Variants in PINX1 observed in about 807,000 individuals in gnomAD.
The protein encoded by PINX1 is PIN2/TERF1-interacting telomerase inhibitor 1.
PINX1 carries 34 observed loss-of-function variants against 25.4 expected under a neutral mutation model. That is an observed-to-expected ratio of 1.34 (90% CI 1.02 to 1.78). PINX1 has a LOEUF of 1.78. Ranked by LOEUF, PINX1 falls within the 40% of genes most tolerant of loss-of-function variation. The pLI is 0.00. For synonymous variants in PINX1, 197 were observed against 147.7 expected, an observed-to-expected ratio of 1.33 and a Z score of -2.42; for missense variants, 592 against 404.9, an observed-to-expected ratio of 1.46 and a Z score of -3.97.
intron 6 of PINX1, among the ~76,000 whole-genome samples, chr8:10,811,885 T>C (rs576244182): frequency 6.6e-6 from 1 of 151,938 alleles, no homozygotes; most frequent in African/African-American, 2.4e-5. Context: ...CCCACCTGGG[T>C]AGAGGGGAGG....
intron 1 of PINX1, 141 bp downstream of exon 1, chr8:10,839,597 C>T: frequency 7.3e-6 from 6 of 819,110 alleles, no homozygotes; most frequent in South Asian, 4.7e-5. Flanking sequence ...ACAATCAGAG[C>T]CGGGCTCGGC....
chr8:10,820,386 T>A, intron 5 of PINX1, 117 bp from the exon 6 acceptor site: 1 of 724,630 alleles, frequency 1.4e-6, no homozygotes, highest in Non-Finnish European at 2.5e-6. Flanking sequence ...AGAAACAATT[T>A]TGAAACTACT....
At chr8:10,783,472 A>T (rs909092631) in intron 6 of PINX1, among the ~76,000 whole-genome samples, 8 of 152,264 alleles carry the variant, frequency 5.3e-5, no homozygotes, top group Admixed American at 3.9e-4. Context: ...TTCTCTCTGG[A>T]AAGCCTCTGA....
chr8:10,836,314 A>G (rs920506561), intron 1 of PINX1, among the ~76,000 whole-genome samples: 4 of 152,108 alleles, frequency 2.6e-5, no homozygotes, highest in African/African-American at 9.7e-5. Flanking sequence ...AAAATGTTCC[A>G]TCTAAATTAC....
At chr8:10,787,200 A>G (rs1228457770) in intron 6 of PINX1, among the ~76,000 whole-genome samples, 1 of 148,936 alleles carries the variant, frequency 6.7e-6, no homozygotes, top group African/African-American at 2.6e-5. Flanking sequence ...ACACATACAC[A>G]TATTTTATGC....
chr8:10,799,268 A>C lies in PINX1; in HGVS notation c.471+20925T>G, dbSNP rs148751109. Among the ~76,000 whole-genome samples, 39 of 152,316 alleles carry C rather than the reference A, an allele frequency of 2.6e-4. No homozygotes were observed. The East Asian group carries it at 7.5e-3, about 29-fold the overall frequency. On this transcript the variant is annotated intron_variant, in intron 6 of 6. Coordinates refer to ENST00000314787, the MANE Select transcript of PINX1 (RefSeq NM_017884.6). ...TATGCTGTTAACTATATTTGAATAC[A>C]ATCATCAATTTAAGATGGTCTCAAC...
At chr8:10,776,437 A>G (rs1007736975) in intron 6 of PINX1, among the ~76,000 whole-genome samples, 3 of 139,614 alleles carry the variant, frequency 2.1e-5, no homozygotes, top group African/African-American at 8.8e-5. Context: ...AAATAAATAA[A>G]TAAATAAATA....
chr8:10,834,449 G>A (rs1351642082), intron 2 of PINX1: 8 of 633,108 alleles, frequency 1.3e-5, no homozygotes, highest in Non-Finnish European at 1.8e-5. Flanking sequence ...CAATGTCTAT[G>A]AAAGATGCTA....
chr8:10,836,865 G>C (rs993345498), intron 1 of PINX1, among the ~76,000 whole-genome samples: 3 of 152,186 alleles, frequency 2.0e-5, no homozygotes, highest in Non-Finnish European at 4.4e-5. Context: ...TGCTTCCCTG[G>C]AACATTTCCC....
intron 6 of PINX1, among the ~76,000 whole-genome samples, chr8:10,813,530 C>A (rs1251191636): frequency 2.6e-5 from 4 of 152,022 alleles, no homozygotes; most frequent in Non-Finnish European, 5.9e-5. Flanking sequence ...GGATAATCAG[C>A]AAGCAATGGG....
chr8:10,765,177 T>C lies in PINX1; in HGVS notation c.*224A>G. On this transcript the variant is annotated 3_prime_UTR_variant, in exon 7 of 7. Transcript: ENST00000314787. Reference sequence around the variant, plus strand: ...GAAGGGCTCAGAGTTTACAAAAAAATTTATTTGTGTCTGAGAGCCACGATT... The same window carrying C: ...GAAGGGCTCAGAGTTTACAAAAAAACTTATTTGTGTCTGAGAGCCACGATT... 1.9e-6 allele frequency: 1 copy of C among 519,892 alleles called. No individual in the cohort carries two copies. 32.2% of individuals were successfully genotyped at this position (519,892 alleles called of 1,614,324 possible).
At chr8:10,769,283 C>A (rs931148856) in intron 6 of PINX1, among the ~76,000 whole-genome samples, 1 of 152,176 alleles carries the variant, frequency 6.6e-6, no homozygotes, top group East Asian at 1.9e-4. Flanking sequence ...TTGCACCAAC[C>A]TAATAAAATA....
At chr8:10,828,512 G>A (rs1409169004) in intron 4 of PINX1, among the ~76,000 whole-genome samples, 4 of 152,114 alleles carry the variant, frequency 2.6e-5, no homozygotes, top group African/African-American at 7.2e-5. Flanking sequence ...CGATGGGACC[G>A]AAGCCCAGGC....
At chr8:10,822,024 T>A (rs898567536) in intron 5 of PINX1, 38 of 152,228 alleles carry the variant, frequency 2.5e-4, no homozygotes, top group African/African-American at 8.9e-4. Flanking sequence ...GTCTAAAGTT[T>A]TGATGATGGA....
chr8:10,797,328 T>A (rs1236130718), intron 6 of PINX1, among the ~76,000 whole-genome samples: 2 of 152,216 alleles, frequency 1.3e-5, no homozygotes, highest in East Asian at 3.8e-4. Context: ...AAGGCATTAC[T>A]GTTGTTAGTA....
rs1800988938 is a variant in PINX1 at position 10,765,181 on chromosome 8, T to C, written c.*220A>G. The C allele has an allele frequency of 5.7e-6, 3 of 526,650 alleles. No individual in the cohort carries two copies. Among genetic ancestry groups the C allele is most frequent in the African/African-American group, 1.9e-5 (1 of 52,688 alleles). The allele number at this position is 526,650 out of a possible 1,614,324, so 32.6% of individuals were successfully genotyped here. The stretch of plus-strand genomic sequence containing the variant: ...GGCTCAGAGTTTACAAAAAAATTTA[T>C]TTGTGTCTGAGAGCCACGATTGAGA... On this transcript the variant is annotated 3_prime_UTR_variant, in exon 7 of 7. Transcript: ENST00000314787.
intron 6 of PINX1, among the ~76,000 whole-genome samples, chr8:10,800,004 C>G (rs1014598052): frequency 6.6e-6 from 1 of 152,162 alleles, no homozygotes; most frequent in African/African-American, 2.4e-5. Flanking sequence ...AGGGCAGAGC[C>G]GAGACTGCGA....
At chr8:10,795,931 A>G (rs144142368) in intron 6 of PINX1, among the ~76,000 whole-genome samples, 72 of 152,186 alleles carry the variant, frequency 4.7e-4, no homozygotes, top group African/African-American at 1.7e-3. Context: ...AAAGCTTTGT[A>G]TGGATGAATA....
intron 6 of PINX1, 66 bp from the exon 7 acceptor site, chr8:10,765,982 A>AGGCACCCACACCCGGCGCTCACACCT: frequency 1.3e-6 from 2 of 1,512,506 alleles, no homozygotes. Flanking sequence ...CGCACCCAGG[A>AGGCACCCACACCCGGCGCTCACACCT]GGCACCCACA....
Sources: allele counts gnomAD v4.1 joint callset (sites outside exome capture counted in the v4.1 genomes callset), GRCh38; gene constraint gnomAD v4.1.1; transcripts MANE v1.5; gene names NCBI Gene and HGNC (gene_info 2026-07-23, HGNC 2026-07-21).